The following SLC25A14 variants were observed in gnomAD, a reference collection of about 807,000 sequenced individuals.
The protein encoded by SLC25A14 is brain mitochondrial carrier protein 1.
A neutral mutation model predicts 28.1 loss-of-function variants in SLC25A14; 8 were observed. The observed-to-expected ratio is 0.28, with a 90% CI of 0.17 to 0.51. The LOEUF is 0.51. Among genes scored for constraint, SLC25A14 ranks in the 20% least tolerant of loss-of-function variants. The probability of loss-of-function intolerance (pLI) is 0.97; values close to 1 mark genes in which losing one functional copy is unlikely to be tolerated. For synonymous variants in SLC25A14, 74 were observed against 90.6 expected, an observed-to-expected ratio of 0.82 and a Z score of 1.04; for missense variants, 135 against 263.8, an observed-to-expected ratio of 0.51 and a Z score of 3.38.
intron 2 of SLC25A14, among the ~76,000 whole-genome samples, chrX:130,342,976 G>A (rs1184597576): frequency 5.4e-5 from 6 of 110,721 alleles, no homozygotes; most frequent in African/African-American, 1.6e-4. Context: ...AAGATTCAGC[G>A]ACTGGTCTTT....
intron 4 of SLC25A14, among the ~76,000 whole-genome samples, chrX:130,348,511 G>C (rs1219627442): frequency 1.8e-5 from 2 of 110,101 alleles, no homozygotes; most frequent in Non-Finnish European, 3.8e-5. Context: ...CCTTTTAATG[G>C]CTGCAGGAAT....
At chrX:130,345,420 G>A (rs1389080170) in intron 3 of SLC25A14, 145 bp downstream of exon 3, 2 of 438,765 alleles carry the variant, frequency 4.6e-6, no homozygotes, top group Non-Finnish European at 7.9e-6. Flanking sequence ...TAATATTTCA[G>A]GGAAAGTACT....
Position 130,356,430 on chromosome X carries a change from T to C in SLC25A14, c.499-2210T>C, listed in dbSNP as rs901301255. Among the ~76,000 whole-genome samples, 39 of 109,665 alleles carry C rather than the reference T, an allele frequency of 3.6e-4. No homozygotes were observed. In the Admixed American group the frequency reaches 3.7e-3, roughly 10 times the overall value. ...TTTTAGTAGAGACGGGGTTTCGCCA[T>C]GTTGGCCAGGCTGGTTTCAAACTAC... On this transcript the variant is annotated intron_variant, in intron 6 of 10. Transcript: ENST00000545805.
chrX:130,348,767 G>C (rs2033524414), intron 4 of SLC25A14, among the ~76,000 whole-genome samples: 1 of 63,468 alleles, frequency 1.6e-5, no homozygotes, highest in Admixed American at 2.1e-4. Context: ...ATAGATTATT[G>C]ATTTGAGACT....
At chrX:130,365,454 T>C in intron 8 of SLC25A14, 87 bp from the exon 9 acceptor site, 1 of 1,171,940 alleles carries the variant, frequency 8.5e-7, no homozygotes, top group Non-Finnish European at 1.1e-6. Flanking sequence ...GTCTGAGTTA[T>C]ATTGTACAGT....
At chrX:130,351,981 G>A (rs1226430417) in intron 6 of SLC25A14, among the ~76,000 whole-genome samples, 2 of 110,853 alleles carry the variant, frequency 1.8e-5, no homozygotes, top group African/African-American at 6.6e-5. Flanking sequence ...TGGGTATATT[G>A]TATGATGCTC....
intron 3 of SLC25A14, 61 bp downstream of exon 3, chrX:130,345,336 G>C: frequency 4.2e-6 from 3 of 708,228 alleles, no homozygotes; most frequent in Admixed American, 2.6e-5. Flanking sequence ...TTATGATGAT[G>C]GTTATTTTTG....
chrX:130,339,974 C>T lies in SLC25A14; in HGVS notation c.-175C>T. The T allele has an allele frequency of 2.3e-6, 2 of 885,194 alleles. No homozygotes were observed. The highest frequency in any genetic ancestry group is 1.4e-6 in the Non-Finnish European group (1 of 723,806). The allele number at this position is 885,194 out of a possible 1,213,427, so 72.9% of individuals were successfully genotyped here. A position where few individuals can be genotyped will look rare whatever the true frequency, so the allele number is the denominator to read the frequency against. ...TTCCCAGTCGTCCGATGAGCCCGAG[C>T]AGGTGAGGGGGAGCTCCTGGACTTC... On this transcript the variant is annotated splice_region_variant and 5_prime_UTR_variant, in exon 1 of 11. Coordinates refer to ENST00000545805, the MANE Select transcript of SLC25A14 (RefSeq NM_001282195.2).
chrX:130,352,014 C>T (rs2033634806), intron 6 of SLC25A14, among the ~76,000 whole-genome samples: 1 of 111,204 alleles, frequency 9.0e-6, no homozygotes, highest in Admixed American at 9.5e-5. Context: ...TGAATGATCC[C>T]ATCACCCAGA....
At chrX:130,368,393 C>A (rs778066999) in intron 9 of SLC25A14, among the ~76,000 whole-genome samples, 1 of 111,681 alleles carries the variant, frequency 9.0e-6, no homozygotes, top group African/African-American at 3.2e-5. Flanking sequence ...TGAAGAGGCC[C>A]CCCCACACAC....
At chrX:130,344,450 G>T (rs1386059841) in intron 2 of SLC25A14, among the ~76,000 whole-genome samples, 1 of 111,296 alleles carries the variant, frequency 9.0e-6, no homozygotes, top group African/African-American at 3.3e-5. Context: ...GAAAAGGGAG[G>T]CTGGGAGCAG....
chrX:130,356,454 A>G (rs770146188), intron 6 of SLC25A14, among the ~76,000 whole-genome samples: 14 of 109,416 alleles, frequency 1.3e-4, no homozygotes, highest in Non-Finnish European at 2.7e-4. Context: ...GTTTCAAACT[A>G]CTGACCTCAG....
chrX:130,370,488 C>T (rs1320349088), intron 9 of SLC25A14, among the ~76,000 whole-genome samples: 1 of 111,913 alleles, frequency 8.9e-6, no homozygotes, highest in Non-Finnish European at 1.9e-5. Context: ...CACGTGCCAC[C>T]AGTTTACAAC....
At chrX:130,370,554 G>T (rs1007242804) in intron 9 of SLC25A14, among the ~76,000 whole-genome samples, 3 of 111,761 alleles carry the variant, frequency 2.7e-5, no homozygotes, top group Non-Finnish European at 5.6e-5. Flanking sequence ...GACCCCTGTT[G>T]TATAAAGTAG....
At chrX:130,354,862 A>G (rs1406247144) in intron 6 of SLC25A14, among the ~76,000 whole-genome samples, 1 of 112,225 alleles carries the variant, frequency 8.9e-6, no homozygotes, top group Non-Finnish European at 1.9e-5. Context: ...CCCCTGTCCT[A>G]TGGTATTATT....
chrX:130,350,390 A>T (rs1464253751), intron 5 of SLC25A14, among the ~76,000 whole-genome samples: 1 of 111,877 alleles, frequency 8.9e-6, no homozygotes, highest in East Asian at 2.8e-4. Flanking sequence ...AGTTATGTAG[A>T]AGAAAAGGAC....
Position 130,345,219 on chromosome X carries a change from G to A in SLC25A14, c.113G>A (p.Gly38Asp). The change falls in exon 3 of 11, where the codon GGT (glycine) becomes GAT (aspartate). Residue 38 changes from glycine (G) to aspartate (D), a missense_variant. By Grantham distance (94) the Gly-to-Asp change is moderately conservative. Transcript: ENST00000545805. The stretch of plus-strand genomic sequence containing the variant: ...ACCACTGTAAGTCATGAGATGTCTG[G>A]TCTGAATTGGAAACCCTTTGTATAT... ...KSTTVSHEMS[G>D]LNWKPFVYGG... 1 of 1,205,365 alleles carries A rather than the reference G, an allele frequency of 8.3e-7. No homozygotes were observed. The highest frequency in any genetic ancestry group is 3.0e-5 in the East Asian group (1 of 33,834).
chrX:130,351,929 G>A (rs1011902981), intron 6 of SLC25A14, among the ~76,000 whole-genome samples: 4 of 110,554 alleles, frequency 3.6e-5, no homozygotes, highest in South Asian at 3.8e-4. Flanking sequence ...TTTTTTCACC[G>A]TTTATTTTAG....
chrX:130,364,503 G>A, intron 7 of SLC25A14, 125 bp from the exon 8 acceptor site: 1 of 390,020 alleles, frequency 2.6e-6, no homozygotes, highest in Non-Finnish European at 4.4e-6. Flanking sequence ...TGATTTGAAA[G>A]AGTGACGTCT....
Sources: gnomAD v4.1 joint callset for allele counts (sites outside exome capture counted in the v4.1 genomes callset) on GRCh38, gnomAD v4.1.1 for gene constraint, MANE v1.5 for transcripts, NCBI Gene and HGNC (gene_info 2026-07-23, HGNC 2026-07-21) for gene names.